Variants in GABRB3 observed in about 807,000 individuals in gnomAD.
GABRB3 encodes the protein gamma-aminobutyric acid type A receptor subunit beta3, also known as gamma-aminobutyric acid receptor subunit beta-3.
Under a neutral mutation model 52.1 loss-of-function variants are expected in GABRB3, and 14 were observed. The ratio of observed to expected loss-of-function variants is 0.27; its 90% CI spans 0.18 to 0.42. GABRB3 has a LOEUF of 0.42. GABRB3 is among the 10% of genes least tolerant of loss of function. The pLI, the probability that GABRB3 is intolerant of heterozygous loss-of-function variation, is 1.00. For missense variants in GABRB3, 307 were observed against 609.1 expected, an observed-to-expected ratio of 0.50 and a Z score of 5.22; for synonymous variants, 260 against 232.3, an observed-to-expected ratio of 1.12 and a Z score of -1.08.
chr15:26,737,780 C>T (rs1333430034), intron 3 of GABRB3, among the ~76,000 whole-genome samples: 1 of 152,168 alleles, frequency 6.6e-6, no homozygotes, highest in African/African-American at 2.4e-5. Flanking sequence ...TCTGTTCATA[C>T]ACTTTCATAT....
intron 3 of GABRB3, among the ~76,000 whole-genome samples, chr15:26,660,273 G>A (rs951194795): frequency 1.1e-4 from 17 of 151,916 alleles, no homozygotes; most frequent in East Asian, 3.9e-4. Context: ...TAAATGTGGC[G>A]ACACTAGGAT....
chr15:26,645,603 A>G (rs964965215), intron 3 of GABRB3, among the ~76,000 whole-genome samples: 4 of 152,206 alleles, frequency 2.6e-5, no homozygotes, highest in East Asian at 1.9e-4. Context: ...GTGGAGTCCA[A>G]CTTGTCTGGA....
At chr15:26,660,479 T>C (rs968189406) in intron 3 of GABRB3, among the ~76,000 whole-genome samples, 10 of 152,202 alleles carry the variant, frequency 6.6e-5, no homozygotes, top group Admixed American at 3.3e-4. Flanking sequence ...TCAGAGTTAA[T>C]AGTTGCCTAA....
intron 3 of GABRB3, among the ~76,000 whole-genome samples, chr15:26,739,854 A>C (rs1789287520): frequency 6.6e-6 from 1 of 152,210 alleles, no homozygotes; most frequent in Non-Finnish European, 1.5e-5. Flanking sequence ...TTTATAAAAC[A>C]GAAAACAGGA....
intron 3 of GABRB3, among the ~76,000 whole-genome samples, chr15:26,698,660 G>T (rs1888826255): frequency 6.6e-6 from 1 of 152,134 alleles, no homozygotes; most frequent in African/African-American, 2.4e-5. Context: ...TTAAGAGAGG[G>T]TCTGATGGGA....
chr15:26,677,510 T>C (rs1007362475), intron 3 of GABRB3, among the ~76,000 whole-genome samples: 18 of 152,092 alleles, frequency 1.2e-4, no homozygotes, highest in African/African-American at 3.9e-4. Context: ...ACACCACATA[T>C]GCACTTTACA....
intron 3 of GABRB3, among the ~76,000 whole-genome samples, chr15:26,674,172 C>T (rs1408473184): frequency 1.3e-5 from 2 of 151,156 alleles, no homozygotes; most frequent in South Asian, 2.1e-4. Context: ...GAGGCCGAGG[C>T]GGGCCGATCA....
intron 3 of GABRB3, 156 bp downstream of exon 3, chr15:26,772,246 C>G (rs953907811): frequency 6.5e-6 from 4 of 611,250 alleles, no homozygotes; most frequent in Admixed American, 6.9e-5. Context: ...GGGAGCCGGG[C>G]AAGCGAGGGG....
At chr15:26,653,717 T>G (rs1887273127) in intron 3 of GABRB3, among the ~76,000 whole-genome samples, 1 of 152,212 alleles carries the variant, frequency 6.6e-6, no homozygotes, top group African/African-American at 2.4e-5. Context: ...AGGTCAGATC[T>G]TTTTCACCGT....
At chr15:26,756,445 G>A (rs989104628) in intron 3 of GABRB3, among the ~76,000 whole-genome samples, 1 of 151,802 alleles carries the variant, frequency 6.6e-6, no homozygotes, top group Non-Finnish European at 1.5e-5. Context: ...AGGTGTGGTG[G>A]TGCACACGTG....
chr15:26,666,528 T>C (rs4567674), intron 3 of GABRB3: 139,584 of 152,180 alleles, frequency 0.92, 64,268 homozygotes, highest in East Asian at 0.96. Flanking sequence ...AAACTACAGG[T>C]GAACATGGAA....
intron 4 of GABRB3, among the ~76,000 whole-genome samples, chr15:26,599,915 A>C (rs1361888165): frequency 6.6e-6 from 1 of 152,174 alleles, no homozygotes; most frequent in Non-Finnish European, 1.5e-5. Context: ...TTATAAAATG[A>C]CTAGTAAAGT....
In GABRB3 at chr15:26,609,105, C is replaced by T. The variant is rs12899577; in HGVS notation, c.461+12209G>A. 6.2e-4 allele frequency among the ~76,000 whole-genome samples: 26 copies of T among 41,720 alleles called. 1 individual carries two copies. Among genetic ancestry groups the T allele is most frequent in the Admixed American group, 3.6e-3 (16 of 4,410 alleles). The allele number at this position is 41,720 out of a possible 152,430, so 27.4% of individuals were successfully genotyped here. On this transcript the variant is annotated intron_variant, in intron 4 of 8. Coordinates refer to ENST00000311550, the MANE Select transcript of GABRB3 (RefSeq NM_000814.6). Reference sequence around the variant, plus strand: ...TGATACACACACACACACACACATACACACACACACACACACACACACACA... The same window carrying T: ...TGATACACACACACACACACACATATACACACACACACACACACACACACA...
rs1478340212 is a variant in GABRB3 at position 26,547,454 on chromosome 15, C to CTT, written c.*337_*338dup. Reference sequence around the variant, plus strand: ...CTCAAGGCATAATATTTAGATGATACTTGTCCCTTTCAATTAAAAAAGAAA... The same window carrying CTT: ...CTCAAGGCATAATATTTAGATGATACTTTTGTCCCTTTCAATTAAAAAAGAAA... On this transcript the variant is annotated 3_prime_UTR_variant, in exon 9 of 9. Coordinates refer to ENST00000311550, the MANE Select transcript of GABRB3 (RefSeq NM_000814.6). 8.2e-6 allele frequency: 4 copies of CTT among 489,978 alleles called. No individual in the cohort carries two copies. Among genetic ancestry groups the CTT allele is most frequent in the African/African-American group, 2.0e-5 (1 of 51,194 alleles). 30.4% of individuals were successfully genotyped at this position (489,978 alleles called of 1,614,324 possible).
intron 4 of GABRB3, among the ~76,000 whole-genome samples, chr15:26,591,843 A>G (rs150796682): frequency 6.6e-6 from 1 of 152,344 alleles, no homozygotes; most frequent in East Asian, 1.9e-4. Flanking sequence ...ATTTTAAATC[A>G]ACTTAAATGA....
Position 26,617,282 on chromosome 15 carries a change from C to T in GABRB3, c.461+4032G>A, listed in dbSNP as rs531680924. Among the ~76,000 whole-genome samples the T allele has an allele frequency of 2.8e-4, 43 of 152,138 alleles. No homozygotes were observed. In the East Asian group the frequency reaches 6.2e-3, roughly 22 times the overall value. Reference sequence around the variant, plus strand: ...GATCCGAATCCAGCAGCCCATCATCCGAATCCAGCAGCCCATCAAAAAGCT... The same window carrying T: ...GATCCGAATCCAGCAGCCCATCATCTGAATCCAGCAGCCCATCAAAAAGCT... On this transcript the variant is annotated intron_variant, in intron 4 of 8. Coordinates refer to ENST00000311550, the MANE Select transcript of GABRB3 (RefSeq NM_000814.6).
chr15:26,773,635 C>T (rs763316211), upstream of GABRB3: 18 of 1,555,478 alleles, frequency 1.2e-5, no homozygotes, highest in East Asian at 3.6e-4. Flanking sequence ...CCGGGAAGCC[C>T]CCGCCTCACC....
chr15:26,745,207 A>G (rs1291173884), intron 3 of GABRB3, among the ~76,000 whole-genome samples: 1 of 152,206 alleles, frequency 6.6e-6, no homozygotes, highest in Non-Finnish European at 1.5e-5. Flanking sequence ...ACCAGGCCCC[A>G]CCTTAACACT....
intron 3 of GABRB3, among the ~76,000 whole-genome samples, chr15:26,629,440 T>C (rs1210267536): frequency 2.0e-5 from 3 of 152,224 alleles, no homozygotes; most frequent in Non-Finnish European, 1.5e-5. Flanking sequence ...GGCTGTCTCC[T>C]GGCACTGGCT....
Sources: gnomAD v4.1 joint callset for allele counts (sites outside exome capture counted in the v4.1 genomes callset) on GRCh38, gnomAD v4.1.1 for gene constraint, MANE v1.5 for transcripts, NCBI Gene and HGNC (gene_info 2026-07-23, HGNC 2026-07-21) for gene names.